Variants in EVC2 observed in about 807,000 individuals in gnomAD.
EVC2 encodes EvC ciliary complex subunit 2, also known as limbin.
A neutral mutation model predicts 149.3 loss-of-function variants in EVC2; 148 were observed. The observed-to-expected ratio is 0.99, with a 90% confidence interval of 0.87 to 1.14. EVC2 has a LOEUF of 1.14. EVC2 is among the 50% of genes most tolerant of loss of function. The pLI is 0.00. For missense variants in EVC2, 1,854 were observed against 1,627.3 expected (o/e 1.14, Z -2.40); for synonymous variants, 776 against 649.9 (o/e 1.19, Z -2.95).
chr4:5,579,487 C>G (rs903782853), intron 17 of EVC2, among the ~76,000 whole-genome samples: 1 of 152,152 alleles, frequency 6.6e-6, no homozygotes, highest in Non-Finnish European at 1.5e-5. Flanking sequence ...AAGCAGAAAG[C>G]TCAGGTAGAA....
At chr4:5,663,463 G>T (rs1202069674) in intron 8 of EVC2, among the ~76,000 whole-genome samples, 1 of 152,202 alleles carries the variant, frequency 6.6e-6, no homozygotes, top group Non-Finnish European at 1.5e-5. Context: ...CCCTGCATGA[G>T]GATGTTGTGT....
chr4:5,603,674 T>C (rs1714169267), intron 16 of EVC2, among the ~76,000 whole-genome samples: 1 of 152,138 alleles, frequency 6.6e-6, no homozygotes, highest in Non-Finnish European at 1.5e-5. Context: ...TAGTGAATGG[T>C]GCATGCACGA....
intron 16 of EVC2, among the ~76,000 whole-genome samples, chr4:5,600,621 T>C (rs1331872246): frequency 1.3e-5 from 2 of 152,230 alleles, no homozygotes; most frequent in South Asian, 2.1e-4. Context: ...AAGAACTATA[T>C]AGATCCCAAA....
chr4:5,581,585 AT>A (rs1711797945), intron 17 of EVC2, among the ~76,000 whole-genome samples: 1 of 151,688 alleles, frequency 6.6e-6, no homozygotes, highest in African/African-American at 2.4e-5. Context: ...AGCATTCAAG[AT>A]GTAACCTGGC....
intron 1 of EVC2, among the ~76,000 whole-genome samples, chr4:5,705,929 T>C (rs1235738914): frequency 1.3e-5 from 2 of 152,088 alleles, no homozygotes; most frequent in African/African-American, 4.8e-5. Flanking sequence ...GTAAAATCCC[T>C]GCCCACAGGA....
chr4:5,706,784 G>A (rs1314204497), intron 1 of EVC2, among the ~76,000 whole-genome samples: 2 of 152,138 alleles, frequency 1.3e-5, no homozygotes, highest in African/African-American at 4.8e-5. Flanking sequence ...TGGGATGGGC[G>A]TGGGCAGGGC....
Position 5,637,676 on chromosome 4 carries a change from C to T in EVC2, c.1470+2838G>A, listed in dbSNP as rs1308927368. Among the ~76,000 whole-genome samples, 1 of 152,198 alleles carries T rather than the reference C, an allele frequency of 6.6e-6. No individual in the cohort carries two copies. Among genetic ancestry groups the T allele is most frequent in the African/African-American group, 2.4e-5 (1 of 41,456 alleles). On this transcript the variant is annotated intron_variant, in intron 10 of 21. Coordinates refer to ENST00000344408, the MANE Select transcript of EVC2 (RefSeq NM_147127.5). The surrounding 1 kb of genome is among the most constrained non-coding windows in gnomAD (Gnocchi z 4.4). ...ATAAAGCAAAAGGCTAAAATGTATG[C>T]TGGCAACTGAGGGCAGGTGTGAAGG...
At chr4:5,708,236 A>C (rs1310181656) in intron 1 of EVC2, 50 bp downstream of exon 1, 1 of 1,419,608 alleles carries the variant, frequency 7.0e-7, no homozygotes. Flanking sequence ...GGTGTAGACA[A>C]AGTCAAACCA....
At position 5,583,922 on chromosome 4, in the gene EVC2, A is replaced by G. The variant is rs1031818278; in HGVS notation, c.3057+701T>C. On this transcript the variant is annotated intron_variant, in intron 17 of 21. Transcript: ENST00000344408. ...ACCCAGGCTGGAGTGTAGTGGCATG[A>G]TCTCAGCTCCCTGCAGCCTCCATCT... Among the ~76,000 whole-genome samples the G allele has an allele frequency of 2.0e-5, 3 of 150,630 alleles. No individual in the cohort carries two copies. The East Asian group carries it at 5.9e-4, about 30-fold the overall frequency.
At chr4:5,595,117 G>C (rs1012025941) in intron 16 of EVC2, among the ~76,000 whole-genome samples, 2 of 152,190 alleles carry the variant, frequency 1.3e-5, no homozygotes, top group African/African-American at 4.8e-5. Context: ...ATGACGGGGA[G>C]AATGGAAACA....
chr4:5,676,168 G>C (rs189771452), intron 7 of EVC2, among the ~76,000 whole-genome samples: 135 of 152,260 alleles, frequency 8.9e-4, no homozygotes, highest in Non-Finnish European at 6.8e-4. Flanking sequence ...CACTCAATGT[G>C]TGATTCTTAT....
chr4:5,559,370 C>T (rs1043929632), downstream of EVC2, among the ~76,000 whole-genome samples: 4 of 152,078 alleles, frequency 2.6e-5, no homozygotes, highest in Non-Finnish European at 5.9e-5. The surrounding 1 kb of genome is among the most constrained non-coding windows in gnomAD (Gnocchi z 5.0). Flanking sequence ...TTAGTATGTA[C>T]ATGTATATTT....
At chr4:5,691,544 C>T (rs561419020) in intron 3 of EVC2, among the ~76,000 whole-genome samples, 21 of 152,260 alleles carry the variant, frequency 1.4e-4, no homozygotes, top group African/African-American at 3.9e-4. Context: ...GAGCTTACAC[C>T]ACAGTGTATT....
intron 21 of EVC2, chr4:5,543,340 T>A: frequency 2.3e-6 from 1 of 432,816 alleles, no homozygotes; most frequent in Non-Finnish European, 4.0e-6. Context: ...AATGACACAG[T>A]GAAGATCAGG....
intron 16 of EVC2, among the ~76,000 whole-genome samples, chr4:5,598,403 G>A (rs535196157): frequency 3.1e-4 from 47 of 150,966 alleles, no homozygotes; most frequent in Admixed American, 1.1e-3. Flanking sequence ...AGAGCCCTCA[G>A]AAATAATGCC....
At chr4:5,685,028 G>A (rs1366893824) in intron 6 of EVC2, among the ~76,000 whole-genome samples, 1 of 152,190 alleles carries the variant, frequency 6.6e-6, no homozygotes, top group African/African-American at 2.4e-5. Context: ...ACTTTGTTAT[G>A]GTAGCCCTGC....
intron 9 of EVC2, among the ~76,000 whole-genome samples, chr4:5,646,555 C>G (rs1343321432): frequency 6.6e-6 from 1 of 152,140 alleles, no homozygotes; most frequent in Non-Finnish European, 1.5e-5. Context: ...GAACTTTCAT[C>G]AACAATTCTG....
chr4:5,569,172 T>C lies in EVC2; in HGVS notation c.3361-532A>G, dbSNP rs1722498303. On this transcript the variant is annotated intron_variant, in intron 19 of 21. Transcript: ENST00000344408. This position sits in a 1 kb window ranked among gnomAD's most constrained non-coding sequence, Gnocchi z 4.8. The stretch of plus-strand genomic sequence containing the variant: ...AAAGGTCACGTGCTGCGTGATTCCA[T>C]GCATGTAACCACCTGGGCGTGATGA... 6.6e-6 allele frequency among the ~76,000 whole-genome samples: 1 copy of C among 152,182 alleles called. No homozygotes were observed. The highest frequency in any genetic ancestry group is 2.1e-4 in the South Asian group (1 of 4,824).
Position 5,640,423 on chromosome 4 carries a change from G to A in EVC2, c.1470+91C>T, listed in dbSNP as rs932408859. On this transcript the variant is annotated intron_variant, in intron 10 of 21. Transcript: ENST00000344408. The surrounding 1 kb of genome is among the most constrained non-coding windows in gnomAD (Gnocchi z 4.6). ...ATGGATGATGGGTAGACGGATGGAG[G>A]AGGCAAATGGACAGATGAGTGGGTA... 10 of 1,460,578 alleles carry A rather than the reference G, an allele frequency of 6.8e-6. No homozygotes were observed. In the African/African-American group the frequency reaches 1.4e-4, roughly 20 times the overall value. The allele number at this position is 1,460,578 out of a possible 1,614,324, so 90.5% of individuals were successfully genotyped here.
Sources: allele counts gnomAD v4.1 joint callset (sites outside exome capture counted in the v4.1 genomes callset), GRCh38; gene constraint gnomAD v4.1.1; non-coding constraint Gnocchi (gnomAD v3.1); transcripts MANE v1.5; gene names NCBI Gene and HGNC (gene_info 2026-07-23, HGNC 2026-07-21).